BRCA1: variants seen among roughly 807,000 people sequenced by gnomAD.
BRCA1 encodes the protein breast cancer type 1 susceptibility protein.
In BRCA1, 140 loss-of-function variants were observed where a neutral mutation model predicts 173.7. The observed-to-expected ratio is 0.81, with a 90% CI of 0.70 to 0.93. The LOEUF (loss-of-function observed/expected upper bound fraction) is 0.93, where lower values mean the gene tolerates loss of function less well. Among genes scored for constraint, BRCA1 ranks in the 40% least tolerant of loss-of-function variants. The pLI is 0.00. For missense variants in BRCA1, 1,983 were observed against 2,172.5 expected, an observed-to-expected ratio of 0.91 and a Z score of 1.73; for synonymous variants, 662 against 756.0, an observed-to-expected ratio of 0.88 and a Z score of 2.04.
intron 18 of BRCA1, among the ~76,000 whole-genome samples, chr17:43,058,431 T>G (rs532529710): frequency 1.2e-4 from 18 of 152,108 alleles, no homozygotes; most frequent in Admixed American, 3.3e-4. Context: ...GAAAAAGAAT[T>G]GCTGGGCAGA....
At position 43,045,052 on chromosome 17, in the gene BRCA1, C is replaced by T. The variant is rs1347029221; in HGVS notation, c.*626G>A. On this transcript the variant is annotated 3_prime_UTR_variant, in exon 23 of 23. Coordinates refer to ENST00000357654, the MANE Select transcript of BRCA1 (RefSeq NM_007294.4). ...CTCCTGACCTCCAGTGATCTGCCCACCTTGGCCTCCCAAAGTGCTGGGATT... is the reference window on the plus strand; with the variant it reads ...CTCCTGACCTCCAGTGATCTGCCCATCTTGGCCTCCCAAAGTGCTGGGATT... 2 of 514,122 alleles carry T rather than the reference C, an allele frequency of 3.9e-6. No individual in the cohort carries two copies. The highest frequency in any genetic ancestry group is 2.3e-5 in the Admixed American group (1 of 44,306). 31.8% of individuals were successfully genotyped at this position (514,122 alleles called of 1,614,324 possible).
At chr17:43,096,376 CAA>C (rs71160005) in intron 8 of BRCA1, among the ~76,000 whole-genome samples, 24 of 74,190 alleles carry the variant, frequency 3.2e-4, no homozygotes, top group Admixed American at 8.6e-4. Flanking sequence ...GACTCTGTCT[CAA>C]AAAAAAAAAA....
intron 9 of BRCA1, among the ~76,000 whole-genome samples, chr17:43,095,418 T>A (rs903558599): frequency 6.6e-6 from 1 of 151,784 alleles, no homozygotes; most frequent in Non-Finnish European, 1.5e-5. Context: ...CCCATCTCTA[T>A]AAAACCACAA....
At chr17:43,054,190 G>A (rs1440575658) in intron 19 of BRCA1, among the ~76,000 whole-genome samples, 1 of 152,164 alleles carries the variant, frequency 6.6e-6, no homozygotes, top group Non-Finnish European at 1.5e-5. Context: ...TACAGTGGAG[G>A]AAAAACAGAG....
In BRCA1 at chr17:43,091,703, CAAT is replaced by C; in HGVS notation, c.3825_3827del (p.Ile1275_Leu1276delinsMet). ...GGTGATGTTCCTGAGATGCCTTTGC[CAAT>C]ATTACCTGGTTACTGCAGTCATTTA... On this transcript the variant is annotated inframe_deletion, in exon 10 of 23. Transcript: ENST00000357654. 1.9e-6 allele frequency: 3 copies of C among 1,614,174 alleles called. No individual in the cohort carries two copies. The highest frequency in any genetic ancestry group is 2.5e-6 in the Non-Finnish European group (3 of 1,180,016).
Position 43,100,678 on chromosome 17 carries a change from A to ATATAACATATATATAAC in BRCA1, c.442-799_442-798insGTTATATATATGTTATA, listed in dbSNP as rs1491277616. ...ATAACATATATATATATATATATAT[A>ATATAACATATATATAAC]ATATATATATATATATATATATATG... is the stretch of plus-strand genomic sequence containing the variant. On this transcript the variant is annotated intron_variant, in intron 6 of 22. Coordinates refer to ENST00000357654, the MANE Select transcript of BRCA1 (RefSeq NM_007294.4). Among the ~76,000 whole-genome samples, 202 of 36,252 alleles carry ATATAACATATATATAAC rather than the reference A, an allele frequency of 5.6e-3. 25 individuals carry two copies. Among genetic ancestry groups the ATATAACATATATATAAC allele is most frequent in the African/African-American group, 0.023 (192 of 8,250 alleles). The allele number at this position is 36,252 out of a possible 152,430, so 23.8% of individuals were successfully genotyped here. A position where few individuals can be genotyped will look rare whatever the true frequency, so the allele number is the denominator to read the frequency against.
rs1328549834 is a variant in BRCA1, at chr17:43,071,208, C to G, written c.4706G>C (p.Ser1569Thr). The part of the protein sequence containing the change: ...EGTPYLESGI[S>T]LFSDDPESDP... ...AGATTCAGGGTCATCAGAGAAGAGG[C>G]TGATTCCAGATTCCAGGTAAGGGGT... is the stretch of plus-strand genomic sequence containing the variant. The change falls in exon 15 of 23, where the codon AGC (serine) becomes ACC (threonine). Residue 1569 changes from serine (S) to threonine (T), a missense_variant. Transcript: ENST00000357654. The G allele has an allele frequency of 1.2e-6, 2 of 1,614,158 alleles. No homozygotes were observed. Among genetic ancestry groups the G allele is most frequent in the Admixed American group, 1.7e-5 (1 of 60,014 alleles).
At chr17:43,168,857 A>C (rs2056289273) in intron 1 of BRCA1, among the ~76,000 whole-genome samples, 1 of 152,130 alleles carries the variant, frequency 6.6e-6, no homozygotes, top group Non-Finnish European at 1.5e-5. Context: ...AGCTTTCTCC[A>C]ATGCTTCTGG....
At chr17:43,138,103 G>GA (rs2056042564) in intron 1 of BRCA1, 1 of 161,524 alleles carries the variant, frequency 6.2e-6, no homozygotes, top group Admixed American at 5.8e-5. Context: ...AGAATTGCCT[G>GA]AACGCAGGAG....
chr17:43,099,160 A>G (rs907761579), intron 7 of BRCA1, among the ~76,000 whole-genome samples: 34 of 151,576 alleles, frequency 2.2e-4, no homozygotes, highest in Admixed American at 7.2e-4. Context: ...ATCTAGTACA[A>G]TTTATCTTGG....
At chr17:43,134,364 AAAG>A (rs2055998279) in intron 1 of BRCA1, among the ~76,000 whole-genome samples, 1 of 152,164 alleles carries the variant, frequency 6.6e-6, no homozygotes, top group Admixed American at 6.6e-5. Context: ...TTGGGAAGTA[AAAG>A]AAGATCTGGA....
intron 16 of BRCA1, among the ~76,000 whole-genome samples, chr17:43,065,973 G>C (rs1005228100): frequency 1.3e-5 from 2 of 152,140 alleles, no homozygotes; most frequent in Non-Finnish European, 2.9e-5. Context: ...ATCTACCTCT[G>C]GATAAACACT....
chr17:43,067,542 C>G (rs2052149680), intron 16 of BRCA1, 66 bp downstream of exon 16: 2 of 1,351,264 alleles, frequency 1.5e-6, no homozygotes, highest in African/African-American at 2.9e-5. Context: ...GCATGCGCCA[C>G]CGTGCCTCGC....
upstream of BRCA1, among the ~76,000 whole-genome samples, chr17:43,126,005 T>A (rs1280465821): frequency 1.3e-5 from 2 of 152,212 alleles, no homozygotes; most frequent in African/African-American, 4.8e-5. Flanking sequence ...GTTTTCGTAT[T>A]TTGAAAGCAG....
At position 43,045,664 on chromosome 17, in the gene BRCA1, G is replaced by C. The variant is rs1064796142; in HGVS notation, c.*14C>G. 1 of 1,613,720 alleles carries C rather than the reference G, an allele frequency of 6.2e-7. No homozygotes were observed. Among genetic ancestry groups the C allele is most frequent in the Non-Finnish European group, 8.5e-7 (1 of 1,179,736 alleles). On this transcript the variant is annotated 3_prime_UTR_variant, in exon 23 of 23. Transcript: ENST00000357654. ...CTTGGGGTCCTGTGGCTCTGTACCT[G>C]TGGCTGGCTGCAGTCAGTAGTGGCT...
At chr17:43,121,899 G>A (rs2055596305) in intron 2 of BRCA1, among the ~76,000 whole-genome samples, 1 of 152,074 alleles carries the variant, frequency 6.6e-6, no homozygotes, top group Non-Finnish European at 1.5e-5. Context: ...CCATGGAAAT[G>A]AAACATAAAT....
rs113392248 is a variant in BRCA1 at position 43,138,920 on chromosome 17, G to A, written c.-19-14805C>T. 36 of 778,900 alleles carry A rather than the reference G, an allele frequency of 4.6e-5. 2 individuals carry two copies. The highest frequency in any genetic ancestry group is 3.9e-4 in the African/African-American group (23 of 59,186). 48.2% of individuals were successfully genotyped at this position (778,900 alleles called of 1,614,324 possible). On this transcript the variant is annotated intron_variant, in intron 1 of 7. Transcript: ENST00000634433. Reference sequence around the variant, plus strand: ...TTCTTCCATCCTCTGGAAATCAGCTGTGGTAAAGTAGCCTGAAAGCCAGTG... The same window carrying A: ...TTCTTCCATCCTCTGGAAATCAGCTATGGTAAAGTAGCCTGAAAGCCAGTG...
At chr17:43,085,134 G>A (rs550525916) in intron 11 of BRCA1, among the ~76,000 whole-genome samples, 1 of 152,102 alleles carries the variant, frequency 6.6e-6, no homozygotes, top group African/African-American at 2.4e-5. Context: ...CTACTATGCT[G>A]CTCTGATCTC....
intron 14 of BRCA1, among the ~76,000 whole-genome samples, chr17:43,072,142 C>T (rs953861947): frequency 1.3e-5 from 2 of 152,024 alleles, no homozygotes; most frequent in Non-Finnish European, 2.9e-5. Flanking sequence ...AATCCCAGCA[C>T]TTTGGGAGGC....
Sources: gnomAD v4.1 joint callset for allele counts (sites outside exome capture counted in the v4.1 genomes callset) on GRCh38, gnomAD v4.1.1 for gene constraint, MANE v1.5 for transcripts, NCBI Gene and HGNC (gene_info 2026-07-23, HGNC 2026-07-21) for gene names.